Variants in PAH observed in about 807,000 individuals in gnomAD.
PAH encodes the protein phenylalanine-4-hydroxylase.
In PAH, 64 loss-of-function variants were observed where a neutral mutation model predicts 62.0. That is an observed-to-expected ratio of 1.03 (90% confidence interval 0.84 to 1.27). PAH has a LOEUF of 1.27. PAH is among the 50% of genes most tolerant of loss of function. The pLI is 0.00. For missense variants in PAH, 579 were observed against 542.8 expected (o/e 1.07, Z -0.66); for synonymous variants, 195 against 196.2 (o/e 0.99, Z 0.05).
chr12:102,890,468 G>C (rs1310090956), intron 3 of PAH, among the ~76,000 whole-genome samples: 5 of 152,176 alleles, frequency 3.3e-5, no homozygotes, highest in African/African-American at 1.2e-4. Flanking sequence ...AACCCAAAGA[G>C]TCTTTCTTGG....
At chr12:102,913,966 C>G in intron 1 of PAH, 1 of 653,314 alleles carries the variant, frequency 1.5e-6, no homozygotes, top group Non-Finnish European at 2.8e-6. Context: ...AACAATTACT[C>G]TCTTGTAAGC....
rs77053642 is a variant in PAH at position 102,927,285 on chromosome 12, T to G, written c.-95-10060A>C. ...TACACTACATCTTCAAAAAAGTTTT[T>G]TTTTTTTTTTTTTTCTGACTCATTG... On this transcript the variant is annotated intron_variant, in intron 1 of 3. Coordinates refer to the PAH transcript ENST00000546844. Among the ~76,000 whole-genome samples the G allele has an allele frequency of 4.7e-3, 716 of 151,244 alleles. 3 individuals carry two copies. The highest frequency in any genetic ancestry group is 0.016 in the African/African-American group (673 of 41,120).
At chr12:102,877,583 A>G (rs1433785244) in intron 3 of PAH, 33 bp from the exon 4 acceptor site, 2 of 1,526,166 alleles carry the variant, frequency 1.3e-6, no homozygotes, top group African/African-American at 2.7e-5. Flanking sequence ...TCCTGAGTAC[A>G]GATTGGCAGA....
rs578000987 is a variant in PAH, at chr12:102,837,966, C to T, written c.*1209G>A. ...CCAGAATTTGCTGTTGATGATACTA[C>T]AGCTGTTCTGAGAACTAAACTCAAA... is the stretch of plus-strand genomic sequence containing the variant. On this transcript the variant is annotated 3_prime_UTR_variant, in exon 13 of 13. Coordinates refer to ENST00000553106, the MANE Select transcript of PAH (RefSeq NM_000277.3). The T allele has an allele frequency of 6.6e-6, 1 of 152,218 alleles. No homozygotes were observed. Among genetic ancestry groups the T allele is most frequent in the African/African-American group, 2.4e-5 (1 of 41,456 alleles). 9.4% of individuals were successfully genotyped at this position (152,218 alleles called of 1,614,324 possible).
intron 1 of PAH, among the ~76,000 whole-genome samples, chr12:102,956,201 G>C (rs74988471): frequency 0.017 from 2,548 of 152,340 alleles, 66 homozygotes; most frequent in East Asian, 0.13. Context: ...TCAAATGGAT[G>C]ATTGCCCTCC....
chr12:102,958,435 C>T, upstream of PAH: 2 of 1,539,184 alleles, frequency 1.3e-6, no homozygotes, highest in Non-Finnish European at 1.7e-6. Context: ...CAGCAGGCGC[C>T]GCAGCTGAGA....
At chr12:102,931,960 T>C (rs950350503) in intron 1 of PAH, among the ~76,000 whole-genome samples, 1 of 152,190 alleles carries the variant, frequency 6.6e-6, no homozygotes, top group African/African-American at 2.4e-5. Flanking sequence ...CCTGCCATCC[T>C]GGGGCTTACA....
At chr12:102,900,375 T>G (rs982059267) in intron 2 of PAH, among the ~76,000 whole-genome samples, 1 of 152,198 alleles carries the variant, frequency 6.6e-6, no homozygotes, top group African/African-American at 2.4e-5. Flanking sequence ...TAATAAAAAC[T>G]TAACTTTATC....
chr12:102,867,801 T>TTTTCTCTCTCTCTC (rs998558771), intron 4 of PAH, among the ~76,000 whole-genome samples: 6 of 148,340 alleles, frequency 4.0e-5, no homozygotes, highest in African/African-American at 1.0e-4. Flanking sequence ...TTTGGGAGAG[T>TTTTCTCTCTCTCTC]TTTCTCTCTC....
At chr12:102,882,619 G>GTA (rs1239695400) in intron 3 of PAH, among the ~76,000 whole-genome samples, 1 of 131,828 alleles carries the variant, frequency 7.6e-6, no homozygotes, top group African/African-American at 2.8e-5. Flanking sequence ...ATATATATCT[G>GTA]TATATATATG....
intron 5 of PAH, among the ~76,000 whole-genome samples, chr12:102,860,804 C>T (rs1875680981): frequency 6.6e-6 from 1 of 152,120 alleles, no homozygotes; most frequent in South Asian, 2.1e-4. Context: ...AAACTGGATC[C>T]CTTCCTTACA....
chr12:102,941,352 GAC>G (rs1879281368), intron 1 of PAH, among the ~76,000 whole-genome samples: 1 of 152,132 alleles, frequency 6.6e-6, no homozygotes, highest in Admixed American at 6.5e-5. Context: ...CCAATTAAAA[GAC>G]ACAGAGTAGC....
chr12:102,922,173 T>C (rs1361919237), upstream of PAH, among the ~76,000 whole-genome samples: 1 of 151,270 alleles, frequency 6.6e-6, no homozygotes, highest in African/African-American at 2.4e-5. Flanking sequence ...AGTAGCATAC[T>C]ATACATGATT....
chr12:102,883,375 G>A (rs890826640), intron 3 of PAH, among the ~76,000 whole-genome samples: 2 of 152,180 alleles, frequency 1.3e-5, no homozygotes, highest in Non-Finnish European at 2.9e-5. Context: ...GTGCAGGCTG[G>A]CTGGCGCTCA....
At chr12:102,944,299 T>C (rs1044340637) in intron 1 of PAH, among the ~76,000 whole-genome samples, 3 of 152,238 alleles carry the variant, frequency 2.0e-5, no homozygotes, top group African/African-American at 7.2e-5. Context: ...AACATTGATA[T>C]TGTTCTTTAG....
chr12:102,876,736 C>G (rs1876579772), intron 4 of PAH, among the ~76,000 whole-genome samples: 1 of 152,204 alleles, frequency 6.6e-6, no homozygotes, highest in Non-Finnish European at 1.5e-5. Context: ...TCCCCAGACC[C>G]TCTGCCCCAG....
chr12:102,907,638 G>A (rs534707998), intron 2 of PAH, among the ~76,000 whole-genome samples: 6 of 151,360 alleles, frequency 4.0e-5, no homozygotes, highest in South Asian at 2.1e-4. Context: ...GGGAGGGGGC[G>A]GACAGAGTCT....
chr12:102,941,308 A>G (rs879514202), intron 1 of PAH, among the ~76,000 whole-genome samples: 10 of 152,208 alleles, frequency 6.6e-5, no homozygotes, highest in African/African-American at 1.7e-4. Context: ...GAACATTTCC[A>G]TATTAAACTA....
chr12:102,897,882 A>G (rs1202593565), intron 2 of PAH, among the ~76,000 whole-genome samples: 2 of 152,052 alleles, frequency 1.3e-5, no homozygotes, highest in Non-Finnish European at 2.9e-5. Flanking sequence ...TTTATTTACA[A>G]CTCTCTTGTC....
Sources: gnomAD v4.1 joint callset for allele counts (sites outside exome capture counted in the v4.1 genomes callset) on GRCh38, gnomAD v4.1.1 for gene constraint, MANE v1.5 for transcripts, NCBI Gene and HGNC (gene_info 2026-07-23, HGNC 2026-07-21) for gene names.